Variants in ABCA12 observed in about 807,000 individuals in gnomAD.
The protein encoded by ABCA12 is glucosylceramide transporter ABCA12.
Under a neutral mutation model 293.5 loss-of-function variants are expected in ABCA12, and 156 were observed. The ratio of observed to expected loss-of-function variants is 0.53; its 90% confidence interval spans 0.47 to 0.61. The LOEUF is 0.61. ABCA12 is among the 20% of genes least tolerant of loss of function. The probability of loss-of-function intolerance (pLI) is 0.00; values close to 1 mark genes in which losing one functional copy is unlikely to be tolerated. For synonymous variants in ABCA12, 1,063 were observed against 1,108.0 expected (o/e 0.96, Z 0.81); for missense variants, 2,797 against 3,090.2 (o/e 0.91, Z 2.25).
intron 7 of ABCA12, among the ~76,000 whole-genome samples, chr2:215,041,601 T>C (rs867040534): frequency 3.3e-5 from 5 of 149,888 alleles, no homozygotes; most frequent in Non-Finnish European, 5.9e-5. Flanking sequence ...GAGAACAGTA[T>C]GGAGGTTCCT....
In ABCA12 at chr2:214,997,954, T is replaced by C. The variant is rs944461621; in HGVS notation, c.3180-145A>G. On this transcript the variant is annotated intron_variant, in intron 22 of 52. Coordinates refer to ENST00000272895, the MANE Select transcript of ABCA12 (RefSeq NM_173076.3). ...TTGAAAATAATCGGTATTACCCCATTATTTACGAAGCATGAAGCTGATTTA... is the reference window on the plus strand; with the variant it reads ...TTGAAAATAATCGGTATTACCCCATCATTTACGAAGCATGAAGCTGATTTA... 5 of 608,686 alleles carry C rather than the reference T, an allele frequency of 8.2e-6. No homozygotes were observed. In the African/African-American group the frequency reaches 9.3e-5, roughly 11 times the overall value. 37.7% of individuals were successfully genotyped at this position (608,686 alleles called of 1,614,324 possible). A position where few individuals can be genotyped will look rare whatever the true frequency, so the allele number is the denominator to read the frequency against.
intron 9 of ABCA12, chr2:215,030,128 C>A (rs2049355): frequency 1 from 151,846 of 152,332 alleles, 75,684 homozygotes; most frequent in East Asian, 1. Context: ...TCAGCAACTA[C>A]CTACATTTGC....
chr2:214,954,367 T>C (rs1698875377), intron 43 of ABCA12, among the ~76,000 whole-genome samples: 3 of 152,196 alleles, frequency 2.0e-5, no homozygotes, highest in African/African-American at 4.8e-5. Flanking sequence ...AAATTATTTC[T>C]AGACCTACCT....
At chr2:215,132,665 T>C (rs894319762) in intron 1 of ABCA12, among the ~76,000 whole-genome samples, 39 of 152,196 alleles carry the variant, frequency 2.6e-4, no homozygotes, top group African/African-American at 8.4e-4. Flanking sequence ...AGACAGAAGA[T>C]GGCCATGTCT....
intron 2 of ABCA12, among the ~76,000 whole-genome samples, chr2:215,066,314 G>C (rs1026805254): frequency 1.3e-5 from 2 of 152,016 alleles, no homozygotes; most frequent in Non-Finnish European, 2.9e-5. Flanking sequence ...AAGATAGATG[G>C]AAGGGCAACA....
intron 2 of ABCA12, among the ~76,000 whole-genome samples, chr2:215,070,092 C>T (rs1701707942): frequency 6.6e-6 from 1 of 152,088 alleles, no homozygotes; most frequent in South Asian, 2.1e-4. Context: ...ATAGTAAGTT[C>T]AAGGGATAAT....
intron 3 of ABCA12, among the ~76,000 whole-genome samples, chr2:215,057,869 C>A (rs759185739): frequency 2.0e-5 from 3 of 151,956 alleles, no homozygotes; most frequent in Non-Finnish European, 2.9e-5. Context: ...CCAGCCACAG[C>A]CCCAAAGTTA....
intron 39 of ABCA12, among the ~76,000 whole-genome samples, chr2:214,964,154 G>A (rs985777210): frequency 3.9e-5 from 6 of 152,008 alleles, no homozygotes; most frequent in Admixed American, 6.6e-5. Context: ...CTCCATAGAC[G>A]CGGATAAGGC....
At chr2:214,992,629 A>T (rs1279975115) in intron 23 of ABCA12, among the ~76,000 whole-genome samples, 1 of 141,798 alleles carries the variant, frequency 7.1e-6, no homozygotes, top group Non-Finnish European at 1.5e-5. Context: ...TGGGAGTCTG[A>T]GGCAAGCGGA....
intron 4 of ABCA12, 31 bp downstream of exon 4, chr2:215,054,542 G>A (rs766971684): frequency 6.5e-7 from 1 of 1,548,232 alleles, no homozygotes. Flanking sequence ...CATAAGGCTT[G>A]TTCTGAACTC....
intron 2 of ABCA12, among the ~76,000 whole-genome samples, chr2:215,088,244 T>C (rs933770308): frequency 6.6e-6 from 1 of 152,090 alleles, no homozygotes; most frequent in African/African-American, 2.4e-5. Context: ...TGCATGGAGA[T>C]GGGATAATAT....
At chr2:214,966,301 T>A (rs1699256506) in intron 39 of ABCA12, among the ~76,000 whole-genome samples, 1 of 152,176 alleles carries the variant, frequency 6.6e-6, no homozygotes, top group Non-Finnish European at 1.5e-5. Context: ...GCTTAATACC[T>A]AGGTGATGCG....
intron 2 of ABCA12, among the ~76,000 whole-genome samples, chr2:215,065,815 G>T (rs1701630174): frequency 6.6e-6 from 1 of 151,876 alleles, no homozygotes; most frequent in Non-Finnish European, 1.5e-5. Context: ...CTCAGTTTGG[G>T]GTAATTTATC....
chr2:215,030,887 T>G (rs1443078666), intron 9 of ABCA12, among the ~76,000 whole-genome samples: 3 of 152,128 alleles, frequency 2.0e-5, no homozygotes, highest in Admixed American at 6.5e-5. Flanking sequence ...ATCCTGTTTG[T>G]TTTTTTATTT....
intron 44 of ABCA12, among the ~76,000 whole-genome samples, chr2:214,953,615 A>C (rs557908573): frequency 6.6e-6 from 1 of 152,352 alleles, no homozygotes; most frequent in South Asian, 2.1e-4. Flanking sequence ...AAGGTTAACA[A>C]CTGTGCTTAT....
chr2:215,048,103 T>G (rs1701239213), intron 6 of ABCA12, among the ~76,000 whole-genome samples: 1 of 151,550 alleles, frequency 6.6e-6, no homozygotes, highest in African/African-American at 2.4e-5. Context: ...GAAATGCAAA[T>G]CAAAACCACA....
intron 1 of ABCA12, among the ~76,000 whole-genome samples, chr2:215,122,663 G>A (rs1478795410): frequency 3.3e-5 from 5 of 152,264 alleles, no homozygotes; most frequent in South Asian, 4.1e-4. Flanking sequence ...ATCCAGTAGC[G>A]AAACAGTTAC....
intron 1 of ABCA12, among the ~76,000 whole-genome samples, chr2:215,123,847 G>C (rs1052580574): frequency 6.6e-6 from 1 of 152,040 alleles, no homozygotes; most frequent in East Asian, 1.9e-4. Context: ...GTGGTGATTT[G>C]TGAGATTTTG....
intron 8 of ABCA12, among the ~76,000 whole-genome samples, chr2:215,035,245 C>T (rs1294727798): frequency 6.6e-6 from 1 of 152,194 alleles, no homozygotes; most frequent in Non-Finnish European, 1.5e-5. Context: ...CATTGATATT[C>T]TTGGCTTGAT....
Sources: allele counts gnomAD v4.1 joint callset (sites outside exome capture counted in the v4.1 genomes callset), GRCh38; gene constraint gnomAD v4.1.1; transcripts MANE v1.5; gene names NCBI Gene and HGNC (gene_info 2026-07-23, HGNC 2026-07-21).